The following WASHC4 variants were observed in gnomAD, a reference collection of about 807,000 sequenced individuals.
WASHC4 encodes WASH complex subunit 7.
A neutral mutation model predicts 166.6 loss-of-function variants in WASHC4; 86 were observed. The observed-to-expected ratio is 0.52, with a 90% CI of 0.43 to 0.62. WASHC4 has a LOEUF of 0.62. Ranked by LOEUF, WASHC4 falls within the 20% of genes least tolerant of loss-of-function variation. The pLI, the probability that WASHC4 is intolerant of heterozygous loss-of-function variation, is 0.00. For synonymous variants in WASHC4, 446 were observed against 451.6 expected, an observed-to-expected ratio of 0.99 and a Z score of 0.16; for missense variants, 1,262 against 1,382.4, an observed-to-expected ratio of 0.91 and a Z score of 1.38.
chr12:105,154,359 C>T (rs181332493), intron 26 of WASHC4, among the ~76,000 whole-genome samples: 136 of 152,216 alleles, frequency 8.9e-4, no homozygotes, highest in African/African-American at 3.2e-3. Flanking sequence ...GCTTATAAAA[C>T]ACTGTAATGT....
chr12:105,160,777 T>C (rs1566030737), intron 29 of WASHC4, among the ~76,000 whole-genome samples: 5 of 152,228 alleles, frequency 3.3e-5, no homozygotes, highest in Admixed American at 2.6e-4. Context: ...AAGTGCTTAA[T>C]GTAGAATAAC....
rs1883359656 is a variant in WASHC4 at position 105,147,124 on chromosome 12, G to A, written c.2492G>A (p.Gly831Asp). Residue 831 changes from glycine to aspartate, a missense_variant, in exon 24 of 33, where the codon GGC (glycine) becomes GAC (aspartate). Coordinates refer to ENST00000332180, the MANE Select transcript of WASHC4 (RefSeq NM_015275.3). ...RHIANSIRTH[G>D]TGIMNTTVNF... ...ATTGCTAATTCAATTCGAACACATG[G>A]CACGGGAATTATGAATACAACTGTA... 6.2e-7 allele frequency: 1 copy of A among 1,604,670 alleles called. No individual in the cohort carries two copies. The highest frequency in any genetic ancestry group is 8.5e-7 in the Non-Finnish European group (1 of 1,171,422).
chr12:105,110,857 A>G (rs1234706477), intron 1 of WASHC4, among the ~76,000 whole-genome samples: 1 of 152,156 alleles, frequency 6.6e-6, no homozygotes, highest in Non-Finnish European at 1.5e-5. Context: ...ATGGGGGTAG[A>G]TGGGCTAGTG....
rs1882798063 is a variant in WASHC4 at position 105,141,017 on chromosome 12, C to T, written c.1679C>T (p.Ser560Phe). ...PSTKQRRLIV[S>F]LALSVGTQMK... ...ACAAAGCAACGGCGACTTATTGTTT[C>T]TTTGGCACTAAGTGTTGGCACACAA... The change falls in exon 17 of 33, where the codon TCT becomes TTT. Residue 560 changes from serine to phenylalanine, a missense_variant. By Grantham distance (155) the Ser-to-Phe change is radical (BLOSUM62 -2). Coordinates refer to ENST00000332180, the MANE Select transcript of WASHC4 (RefSeq NM_015275.3). The T allele has an allele frequency of 1.2e-6, 2 of 1,614,028 alleles. No homozygotes were observed. Among genetic ancestry groups the T allele is most frequent in the Admixed American group, 1.7e-5 (1 of 59,986 alleles).
chr12:105,152,288 G>A, intron 25 of WASHC4, 55 bp from the exon 26 acceptor site: 1 of 851,536 alleles, frequency 1.2e-6, no homozygotes, highest in Admixed American at 1.7e-5. Context: ...TATTTGGGAG[G>A]CATTTTGTGC....
At chr12:105,127,416 G>A in intron 13 of WASHC4, 127 bp downstream of exon 13, 2 of 746,740 alleles carry the variant, frequency 2.7e-6, no homozygotes, top group Non-Finnish European at 4.5e-6. Context: ...TAAGGGTCAG[G>A]CAATCTCCAG....
chr12:105,121,350 G>A (rs1880723404), intron 9 of WASHC4, 146 bp downstream of exon 9: 1 of 652,258 alleles, frequency 1.5e-6, no homozygotes, highest in African/African-American at 1.8e-5. Context: ...ATATTTTTAT[G>A]ACTACAGTAA....
chr12:105,141,346 C>T (rs759679887), intron 18 of WASHC4, 100 bp downstream of exon 18: 11 of 891,612 alleles, frequency 1.2e-5, no homozygotes, highest in South Asian at 4.0e-5. Flanking sequence ...AAATTCAGAT[C>T]GAGCATTAGT....
chr12:105,131,323 T>TG (rs1881799991), intron 13 of WASHC4, among the ~76,000 whole-genome samples: 1 of 151,382 alleles, frequency 6.6e-6, no homozygotes, highest in South Asian at 2.1e-4. Context: ...CCTGACCTCA[T>TG]GATCCACCCG....
At chr12:105,154,644 CAA>C (rs1884008516) in intron 26 of WASHC4, among the ~76,000 whole-genome samples, 1 of 152,166 alleles carries the variant, frequency 6.6e-6, no homozygotes, top group South Asian at 2.1e-4. Flanking sequence ...TGACAGTAAA[CAA>C]AGTCTCTGTC....
intron 6 of WASHC4, among the ~76,000 whole-genome samples, chr12:105,116,633 G>A (rs893056077): frequency 6.6e-6 from 1 of 152,110 alleles, no homozygotes; most frequent in African/African-American, 2.4e-5. Context: ...AAAAAAATGG[G>A]TTAGCTATGT....
At chr12:105,108,836 C>T (rs570175549) in intron 1 of WASHC4, among the ~76,000 whole-genome samples, 1 of 152,142 alleles carries the variant, frequency 6.6e-6, no homozygotes, top group South Asian at 2.1e-4. Context: ...CTAATGCCTA[C>T]AATGTTAGAT....
chr12:105,162,910 A>T, intron 30 of WASHC4, 65 bp downstream of exon 30: 1 of 833,236 alleles, frequency 1.2e-6, no homozygotes, highest in Non-Finnish European at 2.0e-6. Flanking sequence ...TCTTAGAAAC[A>T]TCTGCTTGAG....
intron 24 of WASHC4, chr12:105,148,146 A>G (rs1021336417): frequency 1.0e-6 from 1 of 985,068 alleles, no homozygotes; most frequent in Admixed American, 6.1e-5. Flanking sequence ...ATTTAAGTAT[A>G]CAGTGGAAAA....
intron 9 of WASHC4, among the ~76,000 whole-genome samples, chr12:105,121,855 AT>A (rs1282907875): frequency 6.6e-6 from 1 of 151,718 alleles, no homozygotes; most frequent in African/African-American, 2.4e-5. Context: ...TATACCCTGA[AT>A]TTTTTTTAGA....
chr12:105,149,380 T>C (rs933730407), intron 24 of WASHC4: 1 of 1,059,172 alleles, frequency 9.4e-7, no homozygotes, highest in Non-Finnish European at 1.1e-6. Context: ...ACTTTTTTCT[T>C]TTCTTTTTTC....
At chr12:105,113,711 G>A (rs1879905436) in intron 2 of WASHC4, among the ~76,000 whole-genome samples, 1 of 152,036 alleles carries the variant, frequency 6.6e-6, no homozygotes, top group Admixed American at 6.6e-5. Context: ...TGATCAGGAA[G>A]AGGTGGAAAT....
chr12:105,159,305 A>G (rs900583368), intron 28 of WASHC4, among the ~76,000 whole-genome samples: 3 of 152,214 alleles, frequency 2.0e-5, no homozygotes, highest in South Asian at 2.1e-4. Flanking sequence ...AGATTGGTGC[A>G]AGGGAGTGGT....
chr12:105,164,823 T>C (rs574574526), intron 32 of WASHC4, 83 bp downstream of exon 32: 6 of 904,728 alleles, frequency 6.6e-6, no homozygotes, highest in African/African-American at 6.6e-5. Context: ...TGGTCAGACA[T>C]CTAGCTTCTT....
Sources: allele counts gnomAD v4.1 joint callset (sites outside exome capture counted in the v4.1 genomes callset), GRCh38; gene constraint gnomAD v4.1.1; transcripts MANE v1.5; gene names NCBI Gene and HGNC (gene_info 2026-07-23, HGNC 2026-07-21).